MMP16: variants seen among roughly 807,000 people sequenced by gnomAD.
MMP16 encodes the protein matrix metallopeptidase 16, also known as matrix metalloproteinase-16.
A neutral mutation model predicts 67.8 loss-of-function variants in MMP16; 12 were observed. The ratio of observed to expected loss-of-function variants is 0.18; its 90% CI spans 0.11 to 0.29. MMP16 has a LOEUF of 0.29. MMP16 is among the 10% of genes least tolerant of loss of function. MMP16 has a pLI of 1.00. For synonymous variants in MMP16, 249 were observed against 255.9 expected (o/e 0.97, Z 0.26); for missense variants, 475 against 765.7 (o/e 0.62, Z 4.48).
At chr8:88,072,302 C>T (rs1165919968) in intron 7 of MMP16, among the ~76,000 whole-genome samples, 2 of 152,032 alleles carry the variant, frequency 1.3e-5, no homozygotes, top group Admixed American at 1.3e-4. Context: ...GACTCTCACT[C>T]CTCTCCTGCC....
At chr8:88,307,771 T>C (rs1386718858) in intron 1 of MMP16, among the ~76,000 whole-genome samples, 1 of 151,892 alleles carries the variant, frequency 6.6e-6, no homozygotes, top group African/African-American at 2.4e-5. Flanking sequence ...GGAGGCAAAA[T>C]TAAGTGTGAA....
intron 1 of MMP16, among the ~76,000 whole-genome samples, chr8:88,237,957 T>A (rs1390566299): frequency 6.6e-6 from 1 of 152,200 alleles, no homozygotes; most frequent in Non-Finnish European, 1.5e-5. Flanking sequence ...AACTGGGTCA[T>A]CAGTCAATCT....
At position 88,281,758 on chromosome 8, in the gene MMP16, C is replaced by G. The variant is rs73282663; in HGVS notation, c.132+45317G>C. ...GGTGGACAACCAGTGCTTTCCCCAG[C>G]CCACCATGTTTTCTCAAGTGTTGCC... On this transcript the variant is annotated intron_variant, in intron 1 of 9. Coordinates refer to ENST00000286614, the MANE Select transcript of MMP16 (RefSeq NM_005941.5). 3.1e-3 allele frequency among the ~76,000 whole-genome samples: 467 copies of G among 152,278 alleles called. 3 individuals are homozygous for G. Among genetic ancestry groups the G allele is most frequent in the African/African-American group, 0.01 (432 of 41,558 alleles).
rs1808122036 is a variant in MMP16 at position 88,040,929 on chromosome 8, A to T, written c.*532T>A. 1 of 152,814 alleles carries T rather than the reference A, an allele frequency of 6.5e-6. No individual in the cohort carries two copies. Among genetic ancestry groups the T allele is most frequent in the South Asian group, 2.1e-4 (1 of 4,834 alleles). 9.5% of individuals were successfully genotyped at this position (152,814 alleles called of 1,614,324 possible). A position where few individuals can be genotyped will look rare whatever the true frequency, so the allele number is the denominator to read the frequency against. On this transcript the variant is annotated 3_prime_UTR_variant, in exon 10 of 10. Transcript: ENST00000286614. The stretch of plus-strand genomic sequence containing the variant: ...TCAGAGAGCTATCTTCTTTGGAGAC[A>T]AAGCTGTTTTGGGTCTTCACACTTT...
intron 1 of MMP16, among the ~76,000 whole-genome samples, chr8:88,304,485 C>T (rs1449502898): frequency 6.6e-6 from 1 of 152,118 alleles, no homozygotes; most frequent in African/African-American, 2.4e-5. Flanking sequence ...AACCCCAAGA[C>T]ACATAATCAT....
intron 1 of MMP16, among the ~76,000 whole-genome samples, chr8:88,278,138 G>A (rs1810678109): frequency 6.6e-6 from 1 of 152,058 alleles, no homozygotes; most frequent in South Asian, 2.1e-4. Context: ...TCCTCCTCCT[G>A]GTCTCTTACT....
At chr8:88,202,795 T>G (rs1004747771) in intron 1 of MMP16, among the ~76,000 whole-genome samples, 1 of 152,098 alleles carries the variant, frequency 6.6e-6, no homozygotes, top group Non-Finnish European at 1.5e-5. Flanking sequence ...CCTGTAATAA[T>G]CATTGACATG....
chr8:88,288,837 T>G (rs1810875093), intron 1 of MMP16, among the ~76,000 whole-genome samples: 1 of 152,210 alleles, frequency 6.6e-6, no homozygotes, highest in African/African-American at 2.4e-5. Context: ...ACTCATTCAC[T>G]CTTCTCTAAG....
At chr8:88,183,785 G>A (rs991442278) in intron 3 of MMP16, among the ~76,000 whole-genome samples, 6 of 135,000 alleles carry the variant, frequency 4.4e-5, no homozygotes, top group South Asian at 4.6e-4. Context: ...GCGCGATCTC[G>A]GCTCACTGCA....
intron 1 of MMP16, among the ~76,000 whole-genome samples, chr8:88,249,048 C>G (rs1810165552): frequency 6.6e-6 from 1 of 151,804 alleles, no homozygotes; most frequent in South Asian, 2.1e-4. Flanking sequence ...GGGGATGAAT[C>G]AGGATTCAGA....
At chr8:88,066,283 T>A (rs529000284) in intron 7 of MMP16, among the ~76,000 whole-genome samples, 3 of 152,242 alleles carry the variant, frequency 2.0e-5, no homozygotes, top group Non-Finnish European at 4.4e-5. Flanking sequence ...ATTGAGAATG[T>A]ACACCTGGCT....
chr8:88,251,337 C>T (rs576686680), intron 1 of MMP16, among the ~76,000 whole-genome samples: 4,603 of 150,536 alleles, frequency 0.031, 176 homozygotes, highest in African/African-American at 0.094. Flanking sequence ...GAAATAATGC[C>T]GCATATCTAC....
intron 1 of MMP16, among the ~76,000 whole-genome samples, chr8:88,249,919 T>G (rs1426193449): frequency 1.3e-5 from 2 of 152,138 alleles, no homozygotes; most frequent in Non-Finnish European, 2.9e-5. Flanking sequence ...ATATTTTGTC[T>G]GATTTTCAAC....
intron 2 of MMP16, among the ~76,000 whole-genome samples, chr8:88,194,097 T>C (rs1319514411): frequency 2.0e-5 from 3 of 151,996 alleles, no homozygotes; most frequent in Non-Finnish European, 4.4e-5. Flanking sequence ...ACATTTAAGG[T>C]AATACCTTAA....
intron 8 of MMP16, among the ~76,000 whole-genome samples, chr8:88,055,012 G>T (rs921339023): frequency 1.3e-5 from 2 of 151,932 alleles, no homozygotes; most frequent in Admixed American, 6.6e-5. Flanking sequence ...AAACAATGAA[G>T]ACTACTTATG....
At chr8:88,260,438 C>T (rs186066149) in intron 1 of MMP16, among the ~76,000 whole-genome samples, 2 of 151,756 alleles carry the variant, frequency 1.3e-5, no homozygotes, top group Admixed American at 1.3e-4. Flanking sequence ...TTTCGGATTT[C>T]TGGAGTCAAT....
At chr8:88,263,814 C>A (rs1221143516) in intron 1 of MMP16, among the ~76,000 whole-genome samples, 1 of 151,930 alleles carries the variant, frequency 6.6e-6, no homozygotes, top group Non-Finnish European at 1.5e-5. Context: ...GGGGTTGGGA[C>A]CTTGACATAC....
chr8:88,074,689 G>T lies in MMP16; in HGVS notation c.1138C>A (p.Gln380Lys). ...AAGCCCCGCCAGAAGTAAGTAATTTGCATTGGGTATCCATCCATCACCCTG... is the reference window on the plus strand; with the variant it reads ...AAGCCCCGCCAGAAGTAAGTAATTTTCATTGGGTATCCATCCATCACCCTG... ...NNRVMDGYPM[Q>K]ITYFWRGLPP... The change falls in exon 7 of 10, where the codon CAA (glutamine) becomes AAA (lysine). Residue 380 changes from glutamine to lysine, a missense_variant. Coordinates refer to ENST00000286614, the MANE Select transcript of MMP16 (RefSeq NM_005941.5). The T allele has an allele frequency of 3.1e-6, 5 of 1,613,702 alleles. No individual in the cohort carries two copies. The highest frequency in any genetic ancestry group is 4.2e-6 in the Non-Finnish European group (5 of 1,179,752).
At chr8:88,207,247 C>T (rs1328849732) in intron 1 of MMP16, among the ~76,000 whole-genome samples, 1 of 152,042 alleles carries the variant, frequency 6.6e-6, no homozygotes, top group East Asian at 1.9e-4. Flanking sequence ...TGTAAATAAA[C>T]ACAAAGATGC....
Sources: allele counts gnomAD v4.1 joint callset (sites outside exome capture counted in the v4.1 genomes callset), GRCh38; gene constraint gnomAD v4.1.1; transcripts MANE v1.5; gene names NCBI Gene and HGNC (gene_info 2026-07-23, HGNC 2026-07-21).